Variants in MPPED1 observed in about 807,000 individuals in gnomAD.
MPPED1 encodes the protein metallophosphoesterase domain containing 1, also known as metallophosphoesterase domain-containing protein 1.
A neutral mutation model predicts 36.2 loss-of-function variants in MPPED1; 16 were observed. That is an observed-to-expected ratio of 0.44 (90% confidence interval 0.30 to 0.67). The LOEUF (loss-of-function observed/expected upper bound fraction) is 0.67. Among genes scored for constraint, MPPED1 ranks in the 30% least tolerant of loss-of-function variants. The pLI is 0.10. For missense variants in MPPED1, 307 were observed against 453.4 expected (o/e 0.68, Z 2.93); for synonymous variants, 199 against 191.3 (o/e 1.04, Z -0.33).
At position 43,502,045 on chromosome 22, in the gene MPPED1, A is replaced by G. The variant is rs1932749560; in HGVS notation, c.749-599A>G. Among the ~76,000 whole-genome samples, 1 of 152,142 alleles carries G rather than the reference A, an allele frequency of 6.6e-6. No individual in the cohort carries two copies. The highest frequency in any genetic ancestry group is 2.1e-4 in the South Asian group (1 of 4,824). ...TCCGTTTGTGTAGCCATGTGAGGAT[A>G]ATAAGCAGCCACCATCTGGGCGGCT... On this transcript the variant is annotated intron_variant, in intron 5 of 6. Coordinates refer to ENST00000443721, the MANE Select transcript of MPPED1 (RefSeq NM_001044370.2). The surrounding 1 kb of genome is among the most constrained non-coding windows in gnomAD (Gnocchi z 5.5).
chr22:43,492,795 G>A (rs746986435), intron 4 of MPPED1, among the ~76,000 whole-genome samples: 18 of 152,094 alleles, frequency 1.2e-4, no homozygotes, highest in Middle Eastern at 6.3e-3. Context: ...GAGCTTGGCT[G>A]GTAGGGGACT....
At chr22:43,420,498 C>T (rs901291139) in intron 1 of MPPED1, among the ~76,000 whole-genome samples, 3 of 152,118 alleles carry the variant, frequency 2.0e-5, no homozygotes, top group African/African-American at 4.8e-5. Context: ...TCCACCTCCC[C>T]GGTTCATGTG....
intron 3 of MPPED1, among the ~76,000 whole-genome samples, chr22:43,444,096 A>G (rs1360874862): frequency 6.6e-6 from 1 of 152,222 alleles, no homozygotes; most frequent in Non-Finnish European, 1.5e-5. Context: ...AGGGGCTAAA[A>G]GGAAGAAAAT....
chr22:43,493,576 G>T (rs1020476288), intron 4 of MPPED1, among the ~76,000 whole-genome samples: 8 of 152,234 alleles, frequency 5.3e-5, no homozygotes, highest in Admixed American at 5.2e-4. Context: ...CCCAAGTCCT[G>T]TGCCATCTCA....
intron 1 of MPPED1, among the ~76,000 whole-genome samples, chr22:43,413,455 T>C (rs898612604): frequency 6.6e-6 from 1 of 151,960 alleles, no homozygotes; most frequent in African/African-American, 2.4e-5. Context: ...ACCAGCTGAC[T>C]GCCACGTCCA....
At chr22:43,472,822 TG>T (rs987108368) in intron 3 of MPPED1, among the ~76,000 whole-genome samples, 1 of 152,198 alleles carries the variant, frequency 6.6e-6, no homozygotes, top group African/African-American at 2.4e-5. Context: ...CTCATCTAGC[TG>T]GGGGTAGAGA....
intron 3 of MPPED1, among the ~76,000 whole-genome samples, chr22:43,473,028 G>C (rs918074266): frequency 2.0e-5 from 3 of 152,218 alleles, no homozygotes; most frequent in African/African-American, 7.2e-5. Context: ...CCGAGTCTCA[G>C]CCCATATTGC....
chr22:43,464,284 G>A (rs1345865829), intron 3 of MPPED1, among the ~76,000 whole-genome samples: 4 of 135,840 alleles, frequency 2.9e-5, no homozygotes, highest in African/African-American at 1.1e-4. Context: ...AAAGCTGTTG[G>A]TCAGCTCTGT....
At position 43,505,626 on chromosome 22, in the gene MPPED1, A is replaced by ACTGCCC; in HGVS notation, c.*17_*22dup. On this transcript the variant is annotated 3_prime_UTR_variant, in exon 7 of 7. Coordinates refer to ENST00000443721, the MANE Select transcript of MPPED1 (RefSeq NM_001044370.2). Reference sequence around the variant, plus strand: ...ACCCCGGAACTCCTGACTGCTCCCCACTGCCCCTGCCCTGCCCGCCCGTGT... The same window carrying ACTGCCC: ...ACCCCGGAACTCCTGACTGCTCCCCACTGCCCCTGCCCCTGCCCTGCCCGCCCGTGT... The ACTGCCC allele has an allele frequency of 6.3e-7, 1 of 1,597,098 alleles. No homozygotes were observed. Among genetic ancestry groups the ACTGCCC allele is most frequent in the Non-Finnish European group, 8.5e-7 (1 of 1,171,352 alleles).
chr22:43,425,695 A>G (rs1351192818), intron 2 of MPPED1, among the ~76,000 whole-genome samples: 10 of 152,242 alleles, frequency 6.6e-5, no homozygotes, highest in Non-Finnish European at 1.5e-5. Flanking sequence ...CACAAGCCCC[A>G]TGGCAGGTTA....
chr22:43,483,346 G>A (rs1027769730), intron 4 of MPPED1, among the ~76,000 whole-genome samples: 1 of 152,234 alleles, frequency 6.6e-6, no homozygotes, highest in Non-Finnish European at 1.5e-5. Flanking sequence ...TGTCACTGCA[G>A]ATGGGTGACA....
chr22:43,414,508 G>A (rs990080551), intron 1 of MPPED1, among the ~76,000 whole-genome samples: 7 of 152,112 alleles, frequency 4.6e-5, no homozygotes, highest in Non-Finnish European at 8.8e-5. Context: ...CCAATTTCAG[G>A]CCTGTGAACT....
chr22:43,487,003 C>A (rs1931933100), intron 4 of MPPED1, among the ~76,000 whole-genome samples: 1 of 152,138 alleles, frequency 6.6e-6, no homozygotes, highest in African/African-American at 2.4e-5. Flanking sequence ...AGGCTCCTGG[C>A]AGGATGGTGC....
Position 43,506,842 on chromosome 22 carries a change from A to G in MPPED1, c.*1226A>G, listed in dbSNP as rs1401287146. 6 of 152,124 alleles carry G rather than the reference A, an allele frequency of 3.9e-5. No individual in the cohort carries two copies. The highest frequency in any genetic ancestry group is 7.3e-5 in the Non-Finnish European group (5 of 68,038). The allele number at this position is 152,124 out of a possible 1,614,324, so 9.4% of individuals were successfully genotyped here. Reference sequence around the variant, plus strand: ...TCAGGGTCAGATTCTGTCGTTATTTAATATTTTGTTCATCATGGACTTTTT... The same window carrying G: ...TCAGGGTCAGATTCTGTCGTTATTTGATATTTTGTTCATCATGGACTTTTT... On this transcript the variant is annotated 3_prime_UTR_variant, in exon 7 of 7. Coordinates refer to ENST00000443721, the MANE Select transcript of MPPED1 (RefSeq NM_001044370.2).
In MPPED1 at chr22:43,500,173, A is replaced by AGGTGGTGGTGATGGTGATGGAGGT. The variant is rs1555904903; in HGVS notation, c.748+1827_748+1850dup. Among the ~76,000 whole-genome samples, 132 of 21,526 alleles carry AGGTGGTGGTGATGGTGATGGAGGT rather than the reference A, an allele frequency of 6.1e-3. 3 individuals are homozygous for AGGTGGTGGTGATGGTGATGGAGGT. Among genetic ancestry groups the AGGTGGTGGTGATGGTGATGGAGGT allele is most frequent in the Non-Finnish European group, 6.3e-3 (81 of 12,872 alleles). 14.1% of individuals were successfully genotyped at this position (21,526 alleles called of 152,430 possible). On this transcript the variant is annotated intron_variant, in intron 5 of 6. Transcript: ENST00000443721. Reference sequence around the variant, plus strand: ...GGGGTGGTGGTGGTGATGGTGATGGAGGTGGTGGTGATGGTGATGGAGGTG... The same window carrying AGGTGGTGGTGATGGTGATGGAGGT: ...GGGGTGGTGGTGGTGATGGTGATGGAGGTGGTGGTGATGGTGATGGAGGTGGTGGTGGTGATGGTGATGGAGGTG...
chr22:43,429,817 T>A (rs1601950919), intron 2 of MPPED1, among the ~76,000 whole-genome samples: 1 of 150,376 alleles, frequency 6.6e-6, no homozygotes, highest in African/African-American at 2.4e-5. Flanking sequence ...GGGGTGGGGG[T>A]GGCATAATCC....
intron 1 of MPPED1, chr22:43,416,415 A>G (rs991510235): frequency 6.6e-6 from 1 of 152,230 alleles, no homozygotes; most frequent in African/African-American, 2.4e-5. Flanking sequence ...TGTTTAATAG[A>G]TTTCCACAAG....
chr22:43,468,737 G>A lies in MPPED1; in HGVS notation c.407-5999G>A, dbSNP rs576146729. 2.6e-4 allele frequency among the ~76,000 whole-genome samples: 39 copies of A among 152,276 alleles called. 1 individual carries two copies. In the South Asian group the frequency reaches 7.9e-3, roughly 31 times the overall value. On this transcript the variant is annotated intron_variant, in intron 3 of 6. Coordinates refer to ENST00000443721, the MANE Select transcript of MPPED1 (RefSeq NM_001044370.2). ...GGTCTGGAACACGGGAACACTGGGG[G>A]CTCATGTTTAATCAGGGCTCATGGA...
chr22:43,491,427 ATGGTGGTGATAGTGATAGAGGAGGCGG>A (rs1416031678), intron 4 of MPPED1, among the ~76,000 whole-genome samples: 1 of 146,992 alleles, frequency 6.8e-6, no homozygotes, highest in Non-Finnish European at 1.5e-5. Flanking sequence ...GATGGAGATG[ATGGTGGTGATAGTGATAGAGGAGGCGG>A]TGGTGGTGAT....
Sources: allele counts gnomAD v4.1 joint callset (sites outside exome capture counted in the v4.1 genomes callset), GRCh38; gene constraint gnomAD v4.1.1; non-coding constraint Gnocchi (gnomAD v3.1); transcripts MANE v1.5; gene names NCBI Gene and HGNC (gene_info 2026-07-23, HGNC 2026-07-21).